Variants in TTC28 observed in about 807,000 individuals in gnomAD.
The protein encoded by TTC28 is tetratricopeptide repeat protein 28.
In TTC28, 61 loss-of-function variants were observed where a neutral mutation model predicts 198.0. The observed-to-expected ratio is 0.31, with a 90% confidence interval of 0.25 to 0.38. The LOEUF (loss-of-function observed/expected upper bound fraction) is 0.38. TTC28 is among the 10% of genes least tolerant of loss of function. The pLI, the probability that TTC28 is intolerant of heterozygous loss-of-function variation, is 1.00. For missense variants in TTC28, 2,678 were observed against 3,164.0 expected, an observed-to-expected ratio of 0.85 and a Z score of 3.69; for synonymous variants, 1,171 against 1,297.8, an observed-to-expected ratio of 0.90 and a Z score of 2.10.
At chr22:28,573,105 G>C (rs1341358464) in intron 2 of TTC28, among the ~76,000 whole-genome samples, 1 of 143,924 alleles carries the variant, frequency 6.9e-6, no homozygotes, top group African/African-American at 2.6e-5. Flanking sequence ...CTGGGTGACA[G>C]AGTGAGACCA....
At chr22:27,988,896 C>G (rs994460614) in intron 21 of TTC28, among the ~76,000 whole-genome samples, 1 of 152,224 alleles carries the variant, frequency 6.6e-6, no homozygotes. Flanking sequence ...TAAGGCGTCC[C>G]TTAGACACTG....
intron 2 of TTC28, among the ~76,000 whole-genome samples, chr22:28,568,191 G>A (rs1251267547): frequency 2.0e-5 from 3 of 152,164 alleles, no homozygotes; most frequent in Non-Finnish European, 4.4e-5. Flanking sequence ...AGTACAGAAA[G>A]TGTGCATATG....
chr22:28,336,632 G>T (rs1728911848), intron 2 of TTC28, among the ~76,000 whole-genome samples: 2 of 151,478 alleles, frequency 1.3e-5, no homozygotes, highest in Admixed American at 1.3e-4. Context: ...GCGTAGAGGT[G>T]GTTTATAGTA....
intron 2 of TTC28, among the ~76,000 whole-genome samples, chr22:28,398,294 G>A (rs1361774867): frequency 6.6e-6 from 1 of 152,148 alleles, no homozygotes; most frequent in Non-Finnish European, 1.5e-5. Context: ...GGGGCCAGAG[G>A]GGGCCACTGT....
At chr22:28,069,302 C>G (rs944625521) in intron 12 of TTC28, among the ~76,000 whole-genome samples, 1 of 152,146 alleles carries the variant, frequency 6.6e-6, no homozygotes, top group Non-Finnish European at 1.5e-5. Context: ...CTGAAGAGTT[C>G]TGAGCTTTGA....
At chr22:27,998,450 T>A in intron 16 of TTC28, 90 bp downstream of exon 16, 126 of 1,408,104 alleles carry the variant, frequency 8.9e-5, no homozygotes, top group East Asian at 4.0e-4. Flanking sequence ...TGCCCTCCCC[T>A]CCCCAACCCC....
At chr22:28,182,883 C>T (rs1171599941) in intron 5 of TTC28, among the ~76,000 whole-genome samples, 1 of 152,096 alleles carries the variant, frequency 6.6e-6, no homozygotes. Flanking sequence ...TTTGTTTAAA[C>T]CAAATTACAA....
At chr22:28,505,023 G>A (rs1370948643) in intron 2 of TTC28, among the ~76,000 whole-genome samples, 2 of 151,986 alleles carry the variant, frequency 1.3e-5, no homozygotes, top group Admixed American at 6.6e-5. Flanking sequence ...TTGGGAGGCC[G>A]AGGTGGGCGG....
intron 1 of TTC28, among the ~76,000 whole-genome samples, chr22:28,679,334 G>C (rs2052053056): frequency 6.6e-6 from 1 of 152,206 alleles, no homozygotes; most frequent in African/African-American, 2.4e-5. Context: ...GGCGCTGGGC[G>C]CATTAGGCGC....
At chr22:28,197,805 A>G (rs1925528221) in intron 5 of TTC28, among the ~76,000 whole-genome samples, 1 of 152,056 alleles carries the variant, frequency 6.6e-6, no homozygotes, top group Admixed American at 6.6e-5. Context: ...TTTCGAGGAA[A>G]GGAGTTTGAG....
chr22:28,333,716 A>C (rs1028902916), intron 2 of TTC28, among the ~76,000 whole-genome samples: 46 of 152,140 alleles, frequency 3.0e-4, no homozygotes, highest in Non-Finnish European at 5.9e-4. Flanking sequence ...TTGCATACCA[A>C]ATTTTAAAAC....
At chr22:28,536,018 G>A (rs1214965216) in intron 2 of TTC28, among the ~76,000 whole-genome samples, 1 of 151,424 alleles carries the variant, frequency 6.6e-6, no homozygotes, top group East Asian at 2.0e-4. Flanking sequence ...AGACCACGGT[G>A]AAACCCCGTC....
chr22:28,278,464 C>G (rs905055097), intron 5 of TTC28, among the ~76,000 whole-genome samples: 3 of 152,044 alleles, frequency 2.0e-5, no homozygotes, highest in Non-Finnish European at 4.4e-5. Flanking sequence ...CAAAAGAAAA[C>G]TACTTTAGAT....
At chr22:28,324,264 C>A (rs1005396725) in intron 2 of TTC28, among the ~76,000 whole-genome samples, 1 of 151,970 alleles carries the variant, frequency 6.6e-6, no homozygotes, top group African/African-American at 2.4e-5. Flanking sequence ...CCAGCCTAGG[C>A]AACATGGCAA....
intron 2 of TTC28, among the ~76,000 whole-genome samples, chr22:28,366,506 T>C (rs574509634): frequency 6.6e-6 from 1 of 152,138 alleles, no homozygotes; most frequent in African/African-American, 2.4e-5. Flanking sequence ...TAAAAAGTAA[T>C]AAGTACTTAA....
chr22:28,651,319 T>TTTTTTTTTTTTTTTTTTA (rs2051560439), intron 1 of TTC28, among the ~76,000 whole-genome samples: 2 of 151,748 alleles, frequency 1.3e-5, no homozygotes, highest in African/African-American at 4.8e-5. Flanking sequence ...TCCTTTTTTT[T>TTTTTTTTTTTTTTTTTTA]GAGACAGGGT....
At chr22:28,587,470 C>T (rs939189879) in intron 2 of TTC28, among the ~76,000 whole-genome samples, 2 of 152,088 alleles carry the variant, frequency 1.3e-5, no homozygotes, top group African/African-American at 4.8e-5. Flanking sequence ...ATCTTGAATT[C>T]TGAACTCTAA....
chr22:28,539,804 C>T (rs531618803), intron 2 of TTC28, among the ~76,000 whole-genome samples: 2 of 152,032 alleles, frequency 1.3e-5, no homozygotes, highest in African/African-American at 4.8e-5. Flanking sequence ...TGTGTGAGGC[C>T]GTTCTTGTGT....
Position 28,107,223 on chromosome 22 carries a change from G to A in TTC28, c.2622C>T (p.Leu874=), listed in dbSNP as rs368762457. Residue 874 remains leucine (L), a synonymous_variant, in exon 7 of 23, where the codon CTC becomes CTT. Coordinates refer to ENST00000397906, the MANE Select transcript of TTC28 (RefSeq NM_001145418.2). ...GGTTGCCATAGGCCCGGCCCCTGTC[G>A]AGCACAGACTCATTTCCACTTAGCT... ...LQQLSGNESV[L]DRGRAYGNLG... 81 of 1,551,636 alleles carry A rather than the reference G, an allele frequency of 5.2e-5. No homozygotes were observed. In the Admixed American group the frequency reaches 6.9e-4, roughly 13 times the overall value.
Sources: gnomAD v4.1 joint callset for allele counts (sites outside exome capture counted in the v4.1 genomes callset) on GRCh38, gnomAD v4.1.1 for gene constraint, MANE v1.5 for transcripts, NCBI Gene and HGNC (gene_info 2026-07-23, HGNC 2026-07-21) for gene names.